The following HEATR5A variants were observed in gnomAD, a reference collection of about 807,000 sequenced individuals.
HEATR5A encodes the protein HEAT repeat-containing protein 5A.
Under a neutral mutation model 218.8 loss-of-function variants are expected in HEATR5A, and 178 were observed. That is an observed-to-expected ratio of 0.81 (90% confidence interval 0.72 to 0.92). The LOEUF is 0.92. Among genes scored for constraint, HEATR5A ranks in the 40% least tolerant of loss-of-function variants. The probability of loss-of-function intolerance (pLI) is 0.00; values close to 1 mark genes in which losing one functional copy is unlikely to be tolerated. For synonymous variants in HEATR5A, 864 were observed against 871.6 expected (o/e 0.99, Z 0.15); for missense variants, 2,420 against 2,418.9 (o/e 1.00, Z -0.01).
intron 16 of HEATR5A, among the ~76,000 whole-genome samples, chr14:31,353,329 T>C (rs1901299451): frequency 6.6e-6 from 1 of 152,230 alleles, no homozygotes; most frequent in South Asian, 2.1e-4. Flanking sequence ...ATAGTATTAC[T>C]GAATAGCTAC....
At chr14:31,373,148 C>T (rs1211026358) in intron 12 of HEATR5A, among the ~76,000 whole-genome samples, 1 of 151,970 alleles carries the variant, frequency 6.6e-6, no homozygotes, top group Non-Finnish European at 1.5e-5. Context: ...TCTTGAACTC[C>T]TGAGCTCAAG....
At chr14:31,403,097 G>A in intron 1 of HEATR5A, 48 bp from the exon 2 acceptor site, 2 of 848,356 alleles carry the variant, frequency 2.4e-6, no homozygotes, top group Admixed American at 3.0e-5. Context: ...TAAAAAGGAA[G>A]GCAATCATAA....
At chr14:31,356,239 T>TAAAAA in intron 16 of HEATR5A, among the ~76,000 whole-genome samples, 2 of 152,276 alleles carry the variant, frequency 1.3e-5, no homozygotes, top group South Asian at 4.1e-4. Flanking sequence ...GGCCACTTCT[T>TAAAAA]TATAAATATA....
At chr14:31,320,756 T>A (rs776373782) in intron 25 of HEATR5A, 7 of 343,162 alleles carry the variant, frequency 2.0e-5, no homozygotes, top group Non-Finnish European at 3.4e-5. Context: ...CAGGGCCATT[T>A]TTTTTCCCCC....
chr14:31,399,494 CTGTTA>C (rs1031089825), intron 3 of HEATR5A, among the ~76,000 whole-genome samples: 58 of 152,278 alleles, frequency 3.8e-4, no homozygotes, highest in African/African-American at 1.3e-3. Flanking sequence ...GGAATACATT[CTGTTA>C]TAAGGTAAAA....
At chr14:31,361,223 T>C (rs1337015195) in intron 14 of HEATR5A, among the ~76,000 whole-genome samples, 1 of 152,106 alleles carries the variant, frequency 6.6e-6, no homozygotes, top group African/African-American at 2.4e-5. Context: ...CAGAGAAAAA[T>C]TTTATTATAT....
At chr14:31,347,479 G>T (rs933228170) in intron 19 of HEATR5A, among the ~76,000 whole-genome samples, 6 of 152,178 alleles carry the variant, frequency 3.9e-5, no homozygotes, top group African/African-American at 4.8e-5. Context: ...CCTGAAGTGT[G>T]AGAGTATGTG....
rs374850340 is a variant in HEATR5A, at chr14:31,326,311, C to T, written c.3399G>A (p.Gly1133=). ...CCTTGTCTAGTAAGATCAACAATGCCCCCTCAAGGCCAACTTCTCTGATGT... is the reference window on the plus strand; with the variant it reads ...CCTTGTCTAGTAAGATCAACAATGCTCCCTCAAGGCCAACTTCTCTGATGT... ...DANIREVGLE[G]ALLILLDKET... is the part of the protein sequence containing the mutation. Residue 1133 remains glycine (G), a synonymous_variant, in exon 23 of 36, where the codon GGG becomes GGA. Transcript: ENST00000543095. 126 of 1,612,614 alleles carry T rather than the reference C, an allele frequency of 7.8e-5. No homozygotes were observed. Among genetic ancestry groups the T allele is most frequent in the Non-Finnish European group, 8.8e-5 (104 of 1,179,400 alleles).
In HEATR5A at chr14:31,312,983, G is replaced by A. The variant is rs781139196; in HGVS notation, c.4426C>T (p.Gln1476Ter). The change falls in exon 28 of 36, where the codon CAA becomes TAA. Residue 1476 changes from glutamine to a stop codon, truncating the protein, a stop_gained. Coordinates refer to ENST00000543095, the MANE Select transcript of HEATR5A (RefSeq NM_015473.4). LOFTEE classifies it high-confidence loss of function. ...ATCTCCTTACCTTCAGCAGGAAGTT[G>A]GGAGGCAAATTCTGAAGGCAAAGTT... ...LLTLPSEFASQLPAEGGAFYT... is the reference protein window; with the variant it reads ...LLTLPSEFAS 137 of 1,611,640 alleles carry A rather than the reference G, an allele frequency of 8.5e-5. 1 individual carries two copies. The South Asian group carries it at 1.1e-3, about 13-fold the overall frequency.
In HEATR5A at chr14:31,400,373, T is replaced by C; in HGVS notation, c.266A>G (p.His89Arg). The C allele has an allele frequency of 6.5e-7, 1 of 1,535,866 alleles. No homozygotes were observed. Among genetic ancestry groups the C allele is most frequent in the Non-Finnish European group, 8.7e-7 (1 of 1,146,698 alleles). Residue 89 changes from histidine to arginine, a missense_variant, in exon 3 of 36, where the codon CAT (histidine) becomes CGT (arginine). Coordinates refer to ENST00000543095, the MANE Select transcript of HEATR5A (RefSeq NM_015473.4). ...LYSIGDTFSV[H>R]EAIDKCNDLI... is the part of the protein sequence containing the mutation. Reference sequence around the variant, plus strand: ...ATCATTACATTTATCGATTGCTTCATGAACGGAGAATGTGTCTCCAATACT... The same window carrying C: ...ATCATTACATTTATCGATTGCTTCACGAACGGAGAATGTGTCTCCAATACT...
At chr14:31,377,412 A>G (rs1296172425) in intron 11 of HEATR5A, among the ~76,000 whole-genome samples, 1 of 18,088 alleles carries the variant, frequency 5.5e-5, no homozygotes, top group Non-Finnish European at 6.0e-4. Flanking sequence ...GCTCATAATG[A>G]TACCTAAAAA....
chr14:31,343,941 A>C lies in HEATR5A; in HGVS notation c.3183T>G (p.Phe1061Leu), dbSNP rs1339660996. The C allele has an allele frequency of 3.1e-6, 5 of 1,611,528 alleles. No homozygotes were observed. The highest frequency in any genetic ancestry group is 4.2e-6 in the Non-Finnish European group (5 of 1,179,028). The stretch of plus-strand genomic sequence containing the variant: ...TAGACAAGTTGACATGTCGTGGAGC[A>C]AACATATGAAGCTGCTGAAGGCAAG... ...AISCLQQLHM[F>L]APRHVNLSSL... Residue 1061 changes from phenylalanine (F) to leucine (L), a missense_variant, in exon 21 of 36, where the codon TTT (phenylalanine) becomes TTG (leucine). Transcript: ENST00000543095.
chr14:31,382,299 A>C (rs1162408245), intron 10 of HEATR5A, among the ~76,000 whole-genome samples: 1 of 152,234 alleles, frequency 6.6e-6, no homozygotes, highest in Non-Finnish European at 1.5e-5. Flanking sequence ...ACCTTATTTC[A>C]GTGGCATTGG....
At chr14:31,361,911 C>T (rs1293463162) in intron 14 of HEATR5A, among the ~76,000 whole-genome samples, 1 of 151,978 alleles carries the variant, frequency 6.6e-6, no homozygotes, top group Non-Finnish European at 1.5e-5. Context: ...GACTCTTTGA[C>T]AACACATTGG....
chr14:31,418,254 T>C (rs1344538323), intron 1 of HEATR5A, among the ~76,000 whole-genome samples: 1 of 152,150 alleles, frequency 6.6e-6, no homozygotes, highest in Non-Finnish European at 1.5e-5. Context: ...TAAAACTGAA[T>C]TTAATCTATT....
intron 20 of HEATR5A, among the ~76,000 whole-genome samples, chr14:31,344,291 T>C (rs78222182): frequency 3.6e-5 from 5 of 138,764 alleles, no homozygotes; most frequent in African/African-American, 1.1e-4. Context: ...TTTTTTTTTT[T>C]TTTTGAGACA....
chr14:31,326,323 A>C lies in HEATR5A; in HGVS notation c.3387T>G (p.Val1129=), dbSNP rs766960981. 5.1e-5 allele frequency: 82 copies of C among 1,612,290 alleles called. No homozygotes were observed. Among genetic ancestry groups the C allele is most frequent in the Non-Finnish European group, 6.9e-5 (81 of 1,179,260 alleles). The change falls in exon 23 of 36, where the codon GTT becomes GTG. Residue 1129 remains valine (V), a synonymous_variant. Transcript: ENST00000543095. ...AGATCAACAATGCCCCCTCAAGGCCAACTTCTCTGATGTTAGCATCTGACA... is the reference window on the plus strand; with the variant it reads ...AGATCAACAATGCCCCCTCAAGGCCCACTTCTCTGATGTTAGCATCTGACA... The part of the protein sequence containing the change: ...ELTPDANIRE[V]GLEGALLILL...
At position 31,293,448 on chromosome 14, in the gene HEATR5A, C is replaced by T. The variant is rs1230377048; in HGVS notation, c.5998G>A (p.Ala2000Thr). 6.2e-7 allele frequency: 1 copy of T among 1,613,798 alleles called. No individual in the cohort carries two copies. The highest frequency in any genetic ancestry group is 8.5e-7 in the Non-Finnish European group (1 of 1,179,874). Residue 2000 changes from alanine (A) to threonine (T), a missense_variant, in exon 36 of 36, where the codon GCT becomes ACT. Coordinates refer to ENST00000543095, the MANE Select transcript of HEATR5A (RefSeq NM_015473.4). ...CGGGCTTTTAGGGCTGGAGAAGAAG[C>T]CACTAAACTTTTAAAAACAGATGAA... is the stretch of plus-strand genomic sequence containing the variant. ...QYSSVFKSLV[A>T]SSPALKARLE...
chr14:31,313,173 C>T lies in HEATR5A; in HGVS notation c.4236G>A (p.Val1412=). Residue 1412 remains valine (V), a synonymous_variant, in exon 28 of 36, where the codon GTG becomes GTA. Transcript: ENST00000543095. ...KAWAEVYIIA[V]QRHKNHRQPL... ...GTTGTCTGTGGTTTTTATGTCTTTG[C>T]ACAGCAATTATGTAGACCTGTTAAA... The T allele has an allele frequency of 1.2e-6, 2 of 1,612,662 alleles. No homozygotes were observed. The highest frequency in any genetic ancestry group is 1.7e-6 in the Non-Finnish European group (2 of 1,178,730).
Sources: gnomAD v4.1 joint callset for allele counts (sites outside exome capture counted in the v4.1 genomes callset) on GRCh38, gnomAD v4.1.1 for gene constraint, MANE v1.5 for transcripts, NCBI Gene and HGNC (gene_info 2026-07-23, HGNC 2026-07-21) for gene names.